The following NOS1AP variants were observed in gnomAD, a reference collection of about 807,000 sequenced individuals.
The protein encoded by NOS1AP is nitric oxide synthase 1 adaptor protein.
A neutral mutation model predicts 56.2 loss-of-function variants in NOS1AP; 21 were observed. The observed-to-expected ratio is 0.37, with a 90% CI of 0.26 to 0.54. The LOEUF is 0.54. Among genes scored for constraint, NOS1AP ranks in the 20% least tolerant of loss-of-function variants. The pLI is 0.84. For synonymous variants in NOS1AP, 270 were observed against 274.6 expected (o/e 0.98, Z 0.17); for missense variants, 522 against 657.8 (o/e 0.79, Z 2.26).
intron 5 of NOS1AP, among the ~76,000 whole-genome samples, chr1:162,334,801 T>C (rs1276261813): frequency 6.6e-6 from 1 of 152,178 alleles, no homozygotes; most frequent in Non-Finnish European, 1.5e-5. Flanking sequence ...ACATGTAACT[T>C]TCACTTCCCA....
chr1:162,156,034 A>G (rs923843327), intron 2 of NOS1AP, among the ~76,000 whole-genome samples: 4 of 152,202 alleles, frequency 2.6e-5, no homozygotes, highest in Non-Finnish European at 5.9e-5. Context: ...AATGACAGCA[A>G]CGTTGGGAAG....
chr1:162,122,208 C>T (rs558403753), intron 1 of NOS1AP, among the ~76,000 whole-genome samples: 6 of 152,278 alleles, frequency 3.9e-5, no homozygotes, highest in Admixed American at 2.0e-4. Flanking sequence ...AACTTGGCTT[C>T]TAATGATAAG....
At chr1:162,135,542 C>T (rs1314804569) in intron 1 of NOS1AP, among the ~76,000 whole-genome samples, 1 of 152,030 alleles carries the variant, frequency 6.6e-6, no homozygotes, top group African/African-American at 2.4e-5. Flanking sequence ...TATTTTGGAC[C>T]CTGAGAAGCA....
chr1:162,302,523 A>G (rs1655699861), intron 4 of NOS1AP, among the ~76,000 whole-genome samples: 1 of 152,300 alleles, frequency 6.6e-6, no homozygotes. Context: ...TGCTGGCACC[A>G]TATATGGAAA....
At position 162,370,232 on chromosome 1, in the gene NOS1AP, C is replaced by G. The variant is rs1040945990; in HGVS notation, c.*2765C>G. On this transcript the variant is annotated 3_prime_UTR_variant, in exon 10 of 10. Transcript: ENST00000361897. ...TATATCAATGCTCTCTCTGTAAAAC[C>G]TCTTCCTAGCCTCATTTCTCTCAAC... 6.6e-6 allele frequency: 1 copy of G among 152,172 alleles called. No individual in the cohort carries two copies. Among genetic ancestry groups the G allele is most frequent in the Admixed American group, 6.5e-5 (1 of 15,270 alleles). The allele number at this position is 152,172 out of a possible 1,614,324, so 9.4% of individuals were successfully genotyped here. A position where few individuals can be genotyped will look rare whatever the true frequency, so the allele number is the denominator to read the frequency against.
chr1:162,293,865 G>T (rs1571197143), intron 3 of NOS1AP, among the ~76,000 whole-genome samples: 1 of 152,198 alleles, frequency 6.6e-6, no homozygotes, highest in East Asian at 1.9e-4. Context: ...CTTTAAGGTG[G>T]AGACCAATTT....
chr1:162,071,021 A>T (rs1488769911), intron 1 of NOS1AP, among the ~76,000 whole-genome samples: 1 of 152,156 alleles, frequency 6.6e-6, no homozygotes, highest in Admixed American at 6.5e-5. Flanking sequence ...GCCCTGGACC[A>T]TCAGGTGTGA....
intron 1 of NOS1AP, among the ~76,000 whole-genome samples, chr1:162,094,515 AAC>A (rs1692196648): frequency 6.6e-6 from 1 of 152,164 alleles, no homozygotes; most frequent in African/African-American, 2.4e-5. Flanking sequence ...GCTAACCATA[AAC>A]ACAGTCATGT....
chr1:162,160,629 C>T (rs912376158), intron 2 of NOS1AP, among the ~76,000 whole-genome samples: 1 of 152,090 alleles, frequency 6.6e-6, no homozygotes, highest in Non-Finnish European at 1.5e-5. Context: ...GTCCAGGAGT[C>T]ACTTTATCCC....
chr1:162,263,608 A>T (rs1379567265), intron 2 of NOS1AP, among the ~76,000 whole-genome samples: 1 of 152,010 alleles, frequency 6.6e-6, no homozygotes, highest in East Asian at 1.9e-4. Flanking sequence ...AAATATTGGC[A>T]TTCTCTCTTT....
At chr1:162,160,564 G>A (rs1187655337) in intron 2 of NOS1AP, among the ~76,000 whole-genome samples, 2 of 152,126 alleles carry the variant, frequency 1.3e-5, no homozygotes. Context: ...GCTTCGGCAC[G>A]TGGTCTCATG....
At position 162,069,756 on chromosome 1, in the gene NOS1AP, A is replaced by ACCGCCG. The variant is rs1691618411; in HGVS notation, c.-417_-416insGCCGCC. On this transcript the variant is annotated 5_prime_UTR_variant, in exon 1 of 10. Coordinates refer to ENST00000361897, the MANE Select transcript of NOS1AP (RefSeq NM_014697.3). ...GTGACAGGCACCCTGCTCCGCCGCC[A>ACCGCCG]CCGCCACCGCCACCGCCACCGTCGC... The ACCGCCG allele has an allele frequency of 6.5e-6, 1 of 153,126 alleles. No individual in the cohort carries two copies. Among genetic ancestry groups the ACCGCCG allele is most frequent in the South Asian group, 1.9e-4 (1 of 5,332 alleles). 9.5% of individuals were successfully genotyped at this position (153,126 alleles called of 1,614,324 possible). A position where few individuals can be genotyped will look rare whatever the true frequency, so the allele number is the denominator to read the frequency against.
chr1:162,293,776 A>C (rs1655348979), intron 3 of NOS1AP, among the ~76,000 whole-genome samples: 1 of 152,200 alleles, frequency 6.6e-6, no homozygotes, highest in Admixed American at 6.5e-5. Context: ...CTGCAGGTAG[A>C]AGAGTTGGAT....
At chr1:162,074,277 T>G (rs1485109794) in intron 1 of NOS1AP, among the ~76,000 whole-genome samples, 1 of 152,210 alleles carries the variant, frequency 6.6e-6, no homozygotes, top group Non-Finnish European at 1.5e-5. Context: ...TCTGCCTCAC[T>G]TAATCCTCAC....
At position 162,332,917 on chromosome 1, in the gene NOS1AP, C is replaced by T. The variant is rs1381887064; in HGVS notation, c.345-100C>T. 2.0e-5 allele frequency: 17 copies of T among 856,320 alleles called. No individual in the cohort carries two copies. In the Admixed American group the frequency reaches 2.9e-4, roughly 14 times the overall value. 53.0% of individuals were successfully genotyped at this position (856,320 alleles called of 1,614,324 possible). A position where few individuals can be genotyped will look rare whatever the true frequency, so the allele number is the denominator to read the frequency against. On this transcript the variant is annotated intron_variant, in intron 4 of 9. Coordinates refer to ENST00000361897, the MANE Select transcript of NOS1AP (RefSeq NM_014697.3). ...AGACTTTCTGTAATAACTTGGCTCTCATGAGCTGTGCTTCAGAGTGTCCTT... is the reference window on the plus strand; with the variant it reads ...AGACTTTCTGTAATAACTTGGCTCTTATGAGCTGTGCTTCAGAGTGTCCTT...
At chr1:162,102,707 T>C (rs1433263636) in intron 1 of NOS1AP, among the ~76,000 whole-genome samples, 1 of 152,184 alleles carries the variant, frequency 6.6e-6, no homozygotes, top group Non-Finnish European at 1.5e-5. Flanking sequence ...CTCTAGTTTT[T>C]CTAGTTTATT....
At chr1:162,243,067 G>T (rs1336271093) in intron 2 of NOS1AP, among the ~76,000 whole-genome samples, 1 of 152,174 alleles carries the variant, frequency 6.6e-6, no homozygotes, top group Non-Finnish European at 1.5e-5. Flanking sequence ...GTCCCTAAGG[G>T]AGCCTACTGT....
chr1:162,191,892 T>G (rs548595389), intron 2 of NOS1AP, among the ~76,000 whole-genome samples: 1 of 152,338 alleles, frequency 6.6e-6, no homozygotes, highest in South Asian at 2.1e-4. Context: ...AGTGGTGATG[T>G]AGATCCTGGC....
chr1:162,218,607 G>C (rs1409215350), intron 2 of NOS1AP, among the ~76,000 whole-genome samples: 1 of 152,174 alleles, frequency 6.6e-6, no homozygotes, highest in Non-Finnish European at 1.5e-5. Context: ...GTCTCCAAGG[G>C]AGATGATCAC....
Sources: allele counts gnomAD v4.1 joint callset (sites outside exome capture counted in the v4.1 genomes callset), GRCh38; gene constraint gnomAD v4.1.1; transcripts MANE v1.5; gene names NCBI Gene and HGNC (gene_info 2026-07-23, HGNC 2026-07-21).